CNTNAP2: variants seen among roughly 807,000 people sequenced by gnomAD.
CNTNAP2 encodes the protein contactin associated protein 2.
In CNTNAP2, 98 loss-of-function variants were observed where a neutral mutation model predicts 155.2. That is an observed-to-expected ratio of 0.63 (90% CI 0.54 to 0.75). The LOEUF is 0.75. Among genes scored for constraint, CNTNAP2 ranks in the 30% least tolerant of loss-of-function variants. CNTNAP2 has a pLI of 0.00. For synonymous variants in CNTNAP2, 651 were observed against 631.2 expected (o/e 1.03, Z -0.47); for missense variants, 1,727 against 1,688.1 (o/e 1.02, Z -0.40).
chr7:146,701,211 G>A (rs936429437), intron 1 of CNTNAP2, among the ~76,000 whole-genome samples: 3 of 152,188 alleles, frequency 2.0e-5, no homozygotes, highest in Admixed American at 6.5e-5. Flanking sequence ...GCCTGCTTCA[G>A]TAAGGCTCTA....
rs1554476328 is a variant in CNTNAP2 at position 148,137,735 on chromosome 7, A to AGGTT, written c.2555-9755_2555-9752dup. On this transcript the variant is annotated intron_variant, in intron 16 of 23. Transcript: ENST00000361727. ...AAGGAAGGAAGGAAGGAAGGAAGGA[A>AGGTT]GGTTCTCCTTTCCTCTCTAATGTCT... Among the ~76,000 whole-genome samples, 223 of 145,502 alleles carry AGGTT rather than the reference A, an allele frequency of 1.5e-3. 3 individuals carry two copies. Among genetic ancestry groups the AGGTT allele is most frequent in the African/African-American group, 5.0e-3 (194 of 39,148 alleles).
chr7:146,408,695 C>T (rs779752933), intron 1 of CNTNAP2, among the ~76,000 whole-genome samples: 9 of 151,842 alleles, frequency 5.9e-5, no homozygotes, highest in Admixed American at 3.9e-4. Flanking sequence ...ATGGGTGCAG[C>T]ACACCAACAT....
At chr7:147,322,428 T>A (rs66814833) in intron 9 of CNTNAP2, among the ~76,000 whole-genome samples, 5,264 of 152,328 alleles carry the variant, frequency 0.035, 125 homozygotes, top group South Asian at 0.052. Context: ...TAAAGTGGCA[T>A]TCAATATTTA....
intron 2 of CNTNAP2, among the ~76,000 whole-genome samples, chr7:146,821,196 G>C (rs184458055): frequency 7.8e-4 from 118 of 152,080 alleles, no homozygotes; most frequent in African/African-American, 2.7e-3. Flanking sequence ...TGTGAATTTG[G>C]TCCTGTCATT....
intron 8 of CNTNAP2, among the ~76,000 whole-genome samples, chr7:147,232,673 A>G (rs1584808046): frequency 6.6e-6 from 1 of 152,236 alleles, no homozygotes; most frequent in East Asian, 1.9e-4. Flanking sequence ...TCCAATGTAA[A>G]AAATTAACTG....
At chr7:146,843,865 G>A (rs1318223838) in intron 3 of CNTNAP2, among the ~76,000 whole-genome samples, 2 of 152,062 alleles carry the variant, frequency 1.3e-5, no homozygotes, top group South Asian at 2.1e-4. Flanking sequence ...AGATTGGATG[G>A]CTTTTTGATG....
chr7:147,343,214 G>C (rs1404699), intron 9 of CNTNAP2, among the ~76,000 whole-genome samples: 1 of 151,896 alleles, frequency 6.6e-6, no homozygotes, highest in Admixed American at 6.6e-5. Context: ...GCTGTTATTC[G>C]TAACAGTCGA....
chr7:147,298,971 C>T (rs1794890756), intron 8 of CNTNAP2, among the ~76,000 whole-genome samples: 1 of 152,154 alleles, frequency 6.6e-6, no homozygotes, highest in Non-Finnish European at 1.5e-5. Context: ...AGCTTGGAGC[C>T]TTGATCTGTG....
intron 13 of CNTNAP2, among the ~76,000 whole-genome samples, chr7:147,803,600 A>G (rs1014729924): frequency 3.9e-5 from 6 of 152,210 alleles, no homozygotes; most frequent in African/African-American, 1.2e-4. Flanking sequence ...ATATGAAACA[A>G]AGGATATCCC....
chr7:148,342,379 TA>T (rs201881158), intron 21 of CNTNAP2, among the ~76,000 whole-genome samples: 26 of 151,668 alleles, frequency 1.7e-4, no homozygotes, highest in Admixed American at 4.6e-4. Context: ...TTCTCAACTT[TA>T]AAAAAAAATG....
At chr7:146,969,573 C>G (rs1227295038) in intron 3 of CNTNAP2, among the ~76,000 whole-genome samples, 1 of 152,124 alleles carries the variant, frequency 6.6e-6, no homozygotes, top group Non-Finnish European at 1.5e-5. Context: ...TAATGGCCTT[C>G]TTTGTCTCTT....
At chr7:147,353,045 T>G (rs1275584132) in intron 9 of CNTNAP2, among the ~76,000 whole-genome samples, 1 of 151,056 alleles carries the variant, frequency 6.6e-6, no homozygotes, top group Non-Finnish European at 1.5e-5. Flanking sequence ...AGTGAGATAT[T>G]ATAAACCGCA....
intron 2 of CNTNAP2, among the ~76,000 whole-genome samples, chr7:146,826,636 T>C (rs926677177): frequency 2.0e-5 from 3 of 151,970 alleles, no homozygotes; most frequent in Non-Finnish European, 4.4e-5. Context: ...AATGCATGAG[T>C]GATAACTGGA....
chr7:148,331,672 G>A (rs1411184709), intron 21 of CNTNAP2, among the ~76,000 whole-genome samples: 3 of 150,496 alleles, frequency 2.0e-5, no homozygotes, highest in East Asian at 2.0e-4. Flanking sequence ...GATGGATGGA[G>A]TGGATGGATG....
At chr7:147,933,628 G>T (rs976857309) in intron 14 of CNTNAP2, among the ~76,000 whole-genome samples, 1 of 152,184 alleles carries the variant, frequency 6.6e-6, no homozygotes, top group Non-Finnish European at 1.5e-5. Context: ...ACTTTGGGAG[G>T]CCAAGGCAGG....
intron 19 of CNTNAP2, among the ~76,000 whole-genome samples, chr7:148,228,486 T>C (rs1795898699): frequency 6.6e-6 from 1 of 152,096 alleles, no homozygotes; most frequent in East Asian, 1.9e-4. Context: ...TAAAATAAAA[T>C]TTATTACTTG....
chr7:146,741,344 A>G (rs990311358), intron 1 of CNTNAP2, among the ~76,000 whole-genome samples: 1 of 152,158 alleles, frequency 6.6e-6, no homozygotes, highest in African/African-American at 2.4e-5. Flanking sequence ...TCTGGCTCCC[A>G]CAAGGCATTT....
intron 13 of CNTNAP2, among the ~76,000 whole-genome samples, chr7:147,794,228 T>G (rs1217878924): frequency 6.6e-6 from 1 of 152,034 alleles, no homozygotes; most frequent in East Asian, 1.9e-4. Flanking sequence ...CTTGTCTTGT[T>G]CCTGATTTTA....
intron 14 of CNTNAP2, among the ~76,000 whole-genome samples, chr7:147,972,098 G>A (rs1295104898): frequency 1.3e-5 from 2 of 152,146 alleles, no homozygotes; most frequent in Non-Finnish European, 2.9e-5. Context: ...TTTGCCTAAG[G>A]AATGATAGTA....
Sources: allele counts gnomAD v4.1 joint callset (sites outside exome capture counted in the v4.1 genomes callset), GRCh38; gene constraint gnomAD v4.1.1; transcripts MANE v1.5; gene names NCBI Gene and HGNC (gene_info 2026-07-23, HGNC 2026-07-21).